The following CCSER1 variants were observed in gnomAD, a reference collection of about 807,000 sequenced individuals.
The protein encoded by CCSER1 is coiled-coil serine rich protein 1, also known as serine-rich coiled-coil domain-containing protein 1.
Under a neutral mutation model 82.0 loss-of-function variants are expected in CCSER1, and 41 were observed. The ratio of observed to expected loss-of-function variants is 0.50; its 90% CI spans 0.39 to 0.65. The LOEUF is 0.65. Among genes scored for constraint, CCSER1 ranks in the 30% least tolerant of loss-of-function variants. The probability of loss-of-function intolerance (pLI) is 0.00; values close to 1 mark genes in which losing one functional copy is unlikely to be tolerated. For synonymous variants in CCSER1, 414 were observed against 383.9 expected (o/e 1.08, Z -0.92); for missense variants, 1,119 against 1,064.2 (o/e 1.05, Z -0.72).
chr4:91,316,228 G>C (rs539675951), intron 10 of CCSER1, among the ~76,000 whole-genome samples: 3 of 151,902 alleles, frequency 2.0e-5, no homozygotes, highest in African/African-American at 7.2e-5. Flanking sequence ...TATTAGCAGC[G>C]TGAGAATGAA....
At chr4:91,216,079 C>T (rs938534265) in intron 10 of CCSER1, among the ~76,000 whole-genome samples, 2 of 152,080 alleles carry the variant, frequency 1.3e-5, no homozygotes, top group Non-Finnish European at 2.9e-5. Flanking sequence ...CTTTATTTGA[C>T]ATCTCACCTC....
chr4:90,525,111 A>ATT (rs370316534), intron 5 of CCSER1, among the ~76,000 whole-genome samples: 1 of 151,762 alleles, frequency 6.6e-6, no homozygotes, highest in Non-Finnish European at 1.5e-5. Flanking sequence ...AGAATAAATC[A>ATT]TTTTTTTTAA....
At chr4:90,243,499 A>G (rs11938476) in intron 1 of CCSER1, among the ~76,000 whole-genome samples, 5,120 of 151,786 alleles carry the variant, frequency 0.034, 236 homozygotes, top group African/African-American at 0.096. Context: ...CACCTGCCTC[A>G]GCCTCCCAGA....
At chr4:90,279,611 C>G (rs1409245282) in intron 1 of CCSER1, among the ~76,000 whole-genome samples, 1 of 151,934 alleles carries the variant, frequency 6.6e-6, no homozygotes, top group African/African-American at 2.4e-5. Context: ...GCACTGTTTT[C>G]CAGCATTTTT....
intron 10 of CCSER1, among the ~76,000 whole-genome samples, chr4:91,342,123 C>T (rs1005983083): frequency 6.6e-6 from 1 of 152,262 alleles, no homozygotes; most frequent in African/African-American, 2.4e-5. Context: ...CTTCACTACA[C>T]TAAGCATTTG....
chr4:90,851,663 G>T (rs1378660567), intron 8 of CCSER1, among the ~76,000 whole-genome samples: 2 of 148,868 alleles, frequency 1.3e-5, no homozygotes, highest in Non-Finnish European at 3.0e-5. Flanking sequence ...TGTACAGAAT[G>T]TGCTATTTGG....
intron 10 of CCSER1, among the ~76,000 whole-genome samples, chr4:91,193,209 T>C (rs1329194647): frequency 1.3e-5 from 2 of 152,228 alleles, no homozygotes; most frequent in African/African-American, 2.4e-5. Context: ...GAGAGGCATA[T>C]GCCTCTTTTC....
chr4:90,566,958 T>C (rs1036145159), intron 5 of CCSER1, among the ~76,000 whole-genome samples: 1 of 152,074 alleles, frequency 6.6e-6, no homozygotes, highest in Non-Finnish European at 1.5e-5. Context: ...TTCATTTATT[T>C]GAGTCTTCTG....
chr4:90,767,768 A>G (rs1751467913), intron 7 of CCSER1, among the ~76,000 whole-genome samples: 2 of 152,140 alleles, frequency 1.3e-5, no homozygotes, highest in South Asian at 4.1e-4. Context: ...CCAGGGCTCA[A>G]GAAATTCTCC....
intron 4 of CCSER1, among the ~76,000 whole-genome samples, chr4:90,442,268 A>C (rs1282778928): frequency 6.6e-6 from 1 of 152,112 alleles, no homozygotes; most frequent in Non-Finnish European, 1.5e-5. Flanking sequence ...AGTCAGAGAA[A>C]CCCCTGAGGA....
intron 10 of CCSER1, among the ~76,000 whole-genome samples, chr4:91,594,094 C>T (rs943643913): frequency 7.9e-5 from 12 of 151,800 alleles, no homozygotes; most frequent in East Asian, 1.9e-4. Flanking sequence ...AACTAAATTG[C>T]GCAGAATCTG....
At chr4:91,087,342 G>T (rs1723489855) in intron 10 of CCSER1, among the ~76,000 whole-genome samples, 1 of 152,160 alleles carries the variant, frequency 6.6e-6, no homozygotes, top group Middle Eastern at 3.4e-3. Context: ...TTGCTAAATG[G>T]TGCCAAATTC....
rs754754971 is a variant in CCSER1 at position 90,470,762 on chromosome 4, C to CAAAAAAA, written c.1724+2421_1724+2427dup. Among the ~76,000 whole-genome samples the CAAAAAAA allele has an allele frequency of 7.5e-3, 526 of 70,034 alleles. 14 individuals are homozygous for CAAAAAAA. The highest frequency in any genetic ancestry group is 0.017 in the Middle Eastern group (2 of 118). The allele number at this position is 70,034 out of a possible 152,430, so 45.9% of individuals were successfully genotyped here. A position where few individuals can be genotyped will look rare whatever the true frequency, so the allele number is the denominator to read the frequency against. On this transcript the variant is annotated intron_variant, in intron 5 of 10. Coordinates refer to ENST00000509176, the MANE Select transcript of CCSER1 (RefSeq NM_001145065.2). ...AATTTCTCATTCCTTTTAATCAAAGCAAAAAAAAAAAAAAAAAAACAAAAC... is the reference window on the plus strand; with the variant it reads ...AATTTCTCATTCCTTTTAATCAAAGCAAAAAAAAAAAAAAAAAAAAAAAAAACAAAAC...
intron 8 of CCSER1, among the ~76,000 whole-genome samples, chr4:90,819,773 TC>T: frequency 1.3e-5 from 2 of 152,312 alleles, no homozygotes; most frequent in South Asian, 4.1e-4. Flanking sequence ...AGACTTATTA[TC>T]CCTGAAATAT....
At chr4:90,549,447 G>T (rs1252979584) in intron 5 of CCSER1, among the ~76,000 whole-genome samples, 1 of 151,822 alleles carries the variant, frequency 6.6e-6, no homozygotes, top group African/African-American at 2.4e-5. Context: ...GCTTAGGGTA[G>T]TCATGAAAAT....
intron 8 of CCSER1, among the ~76,000 whole-genome samples, chr4:90,905,358 CCACACA>C (rs3043030): frequency 0.012 from 1,835 of 150,440 alleles, 32 homozygotes; most frequent in African/African-American, 0.041. Context: ...TCTAGTCACA[CCACACA>C]CACACACACA....
intron 10 of CCSER1, among the ~76,000 whole-genome samples, chr4:91,586,199 G>A (rs932016937): frequency 2.0e-5 from 3 of 151,584 alleles, no homozygotes; most frequent in South Asian, 2.1e-4. Context: ...AACCAGACAT[G>A]ATGCAATTAT....
At chr4:90,526,606 G>A (rs1773797027) in intron 5 of CCSER1, among the ~76,000 whole-genome samples, 1 of 152,136 alleles carries the variant, frequency 6.6e-6, no homozygotes, top group South Asian at 2.1e-4. Context: ...CCACTTATGA[G>A]TGAGAACATG....
chr4:91,177,657 G>C (rs537482048), intron 10 of CCSER1, among the ~76,000 whole-genome samples: 1 of 152,168 alleles, frequency 6.6e-6, no homozygotes, highest in African/African-American at 2.4e-5. Flanking sequence ...TGTCAGATCA[G>C]TGGTGATATC....
Sources: gnomAD v4.1 joint callset for allele counts (sites outside exome capture counted in the v4.1 genomes callset) on GRCh38, gnomAD v4.1.1 for gene constraint, MANE v1.5 for transcripts, NCBI Gene and HGNC (gene_info 2026-07-23, HGNC 2026-07-21) for gene names.